HYAL4: variants seen among roughly 807,000 people sequenced by gnomAD.
HYAL4 encodes the protein hyaluronidase 4, also known as hyaluronidase-4.
Under a neutral mutation model 35.2 loss-of-function variants are expected in HYAL4, and 37 were observed. The ratio of observed to expected loss-of-function variants is 1.05; its 90% CI spans 0.81 to 1.38. The LOEUF is 1.38. Among genes scored for constraint, HYAL4 ranks in the 40% most tolerant of loss-of-function variants. The probability of loss-of-function intolerance (pLI) is 0.00; values close to 1 mark genes in which losing one functional copy is unlikely to be tolerated. For synonymous variants in HYAL4, 198 were observed against 203.2 expected, an observed-to-expected ratio of 0.97 and a Z score of 0.22; for missense variants, 572 against 572.4, an observed-to-expected ratio of 1.00 and a Z score of 0.01.
the HYAL4 span, among the ~76,000 whole-genome samples, chr7:123,805,338 A>G: frequency 6.6e-6 from 1 of 152,236 alleles, no homozygotes; most frequent in East Asian, 1.9e-4. Flanking sequence ...GTTGTTGGAT[A>G]TGAATTTTAT....
chr7:123,779,746 A>G, the HYAL4 span, among the ~76,000 whole-genome samples: 3 of 152,132 alleles, frequency 2.0e-5, no homozygotes, highest in Non-Finnish European at 4.4e-5. Flanking sequence ...CTCAGATGTT[A>G]TAATTATTCA....
upstream of HYAL4, chr7:123,844,454 G>A (rs1806133740): frequency 6.6e-6 from 1 of 152,192 alleles, no homozygotes; most frequent in African/African-American, 2.4e-5. Flanking sequence ...CACCTCTACT[G>A]GGAGGTGTCT....
chr7:123,855,171 G>T (rs569768534), intron 2 of HYAL4, among the ~76,000 whole-genome samples: 2 of 152,260 alleles, frequency 1.3e-5, no homozygotes, highest in South Asian at 4.1e-4. Flanking sequence ...GCCAGGCTGT[G>T]TTTTTTAATT....
chr7:123,840,513 A>G (rs1471018942), upstream of HYAL4, among the ~76,000 whole-genome samples: 5 of 152,032 alleles, frequency 3.3e-5, no homozygotes, highest in East Asian at 3.9e-4. Flanking sequence ...GTTTTTTCCA[A>G]TTCTTTGAAG....
At chr7:123,813,969 T>C in the HYAL4 span, among the ~76,000 whole-genome samples, 4 of 152,210 alleles carry the variant, frequency 2.6e-5, no homozygotes, top group African/African-American at 9.6e-5. Flanking sequence ...TATATTTTTT[T>C]CACATTTCAC....
At chr7:123,851,167 C>A (rs1039227661) in intron 2 of HYAL4, among the ~76,000 whole-genome samples, 1 of 152,174 alleles carries the variant, frequency 6.6e-6, no homozygotes, top group Non-Finnish European at 1.5e-5. Context: ...CCAAAGTAGA[C>A]AACAAATTAT....
intron 4 of HYAL4, among the ~76,000 whole-genome samples, chr7:123,875,814 A>G (rs750461772): frequency 6.6e-6 from 1 of 151,942 alleles, no homozygotes; most frequent in Non-Finnish European, 1.5e-5. Context: ...TTATATTTCT[A>G]TAATGTAATG....
At chr7:123,823,498 A>G in the HYAL4 span, among the ~76,000 whole-genome samples, 2 of 152,026 alleles carry the variant, frequency 1.3e-5, no homozygotes, top group African/African-American at 4.8e-5. Flanking sequence ...CTTTGCTTCA[A>G]TATTTTTGAA....
At chr7:123,859,001 A>G (rs1478382403) in intron 2 of HYAL4, among the ~76,000 whole-genome samples, 1 of 152,178 alleles carries the variant, frequency 6.6e-6, no homozygotes, top group Non-Finnish European at 1.5e-5. Context: ...AATAAAAAGA[A>G]ATAAAAACAA....
At chr7:123,799,571 C>T in the HYAL4 span, among the ~76,000 whole-genome samples, 680 of 151,426 alleles carry the variant, frequency 4.5e-3, 3 homozygotes, top group African/African-American at 0.016. Flanking sequence ...TGTGAATCTC[C>T]TGAGGTCAGG....
intron 2 of HYAL4, among the ~76,000 whole-genome samples, chr7:123,850,001 A>G (rs1017332531): frequency 1.3e-5 from 2 of 152,250 alleles, no homozygotes; most frequent in Non-Finnish European, 2.9e-5. Context: ...CATACCAATC[A>G]GGTAGAATTA....
the HYAL4 span, among the ~76,000 whole-genome samples, chr7:123,792,835 G>A: frequency 7.9e-5 from 12 of 152,122 alleles, no homozygotes; most frequent in Admixed American, 5.9e-4. Flanking sequence ...ATGCTCAGGG[G>A]GAAGGGAGTA....
the HYAL4 span, among the ~76,000 whole-genome samples, chr7:123,792,192 CACTGTT>C: frequency 6.6e-6 from 1 of 152,214 alleles, no homozygotes; most frequent in Non-Finnish European, 1.5e-5. Context: ...CAGGAAGTCA[CACTGTT>C]ACACAGGCAG....
intron 2 of HYAL4, among the ~76,000 whole-genome samples, chr7:123,849,098 GA>G (rs1351611334): frequency 6.6e-6 from 1 of 152,156 alleles, no homozygotes. Context: ...ACCTGTTAAA[GA>G]GAAATCTTAA....
upstream of HYAL4, chr7:123,828,911 A>G (rs1805840055): frequency 6.6e-6 from 1 of 152,646 alleles, no homozygotes; most frequent in African/African-American, 2.4e-5. Flanking sequence ...GGATTATGGA[A>G]TCACACTTTG....
the HYAL4 span, among the ~76,000 whole-genome samples, chr7:123,804,046 TA>T: frequency 6.6e-6 from 1 of 152,206 alleles, no homozygotes; most frequent in Non-Finnish European, 1.5e-5. Context: ...GTCTTATCCT[TA>T]TACTAGAGTT....
At chr7:123,867,693 T>C (rs1194275655) in intron 2 of HYAL4, among the ~76,000 whole-genome samples, 5 of 152,202 alleles carry the variant, frequency 3.3e-5, no homozygotes, top group Non-Finnish European at 7.3e-5. Context: ...CAATAAATTA[T>C]CATGTAGTAC....
At chr7:123,786,869 A>G in the HYAL4 span, among the ~76,000 whole-genome samples, 1 of 152,002 alleles carries the variant, frequency 6.6e-6, no homozygotes. Context: ...GCACTTTGAG[A>G]AGCTGAGGCG....
the HYAL4 span, among the ~76,000 whole-genome samples, chr7:123,805,586 A>G: frequency 6.6e-6 from 1 of 152,174 alleles, no homozygotes; most frequent in Non-Finnish European, 1.5e-5. Context: ...AACAACTACT[A>G]ACAACATAAT....
Sources: gnomAD v4.1 joint callset for allele counts (sites outside exome capture counted in the v4.1 genomes callset) on GRCh38, gnomAD v4.1.1 for gene constraint, MANE v1.5 for transcripts, NCBI Gene and HGNC (gene_info 2026-07-23, HGNC 2026-07-21) for gene names.